HDLBP: variants seen among roughly 807,000 people sequenced by gnomAD.
The protein encoded by HDLBP is vigilin.
Under a neutral mutation model 137.3 loss-of-function variants are expected in HDLBP, and 30 were observed. That is an observed-to-expected ratio of 0.22 (90% CI 0.16 to 0.30). The LOEUF is 0.30. Among genes scored for constraint, HDLBP ranks in the 10% least tolerant of loss-of-function variants. HDLBP has a pLI of 1.00. For missense variants in HDLBP, 1,119 were observed against 1,667.3 expected (o/e 0.67, Z 5.73); for synonymous variants, 606 against 596.0 (o/e 1.02, Z -0.24).
At chr2:241,249,771 G>A (rs1247456208) in intron 12 of HDLBP, 70 bp downstream of exon 12, 14 of 1,444,716 alleles carry the variant, frequency 9.7e-6, no homozygotes, top group South Asian at 4.0e-5. Flanking sequence ...ACCACAACAC[G>A]CTACTCCTTA....
At chr2:241,255,266 G>GC in intron 8 of HDLBP, 108 bp from the exon 9 acceptor site, 1 of 1,407,930 alleles carries the variant, frequency 7.1e-7, no homozygotes. Context: ...CCAAACCTGG[G>GC]CACCTGCACT....
chr2:241,301,334 A>G (rs1156540430), intron 1 of HDLBP, among the ~76,000 whole-genome samples: 1 of 152,102 alleles, frequency 6.6e-6, no homozygotes, highest in African/African-American at 2.4e-5. Flanking sequence ...CTAATCGTCT[A>G]CTTATCAGCA....
intron 1 of HDLBP, among the ~76,000 whole-genome samples, chr2:241,273,919 A>G (rs922164502): frequency 6.6e-6 from 1 of 151,564 alleles, no homozygotes; most frequent in Non-Finnish European, 1.5e-5. Flanking sequence ...GAGGCCTACT[A>G]TAGTTCAGTC....
chr2:241,305,772 T>G (rs898717191), intron 1 of HDLBP, among the ~76,000 whole-genome samples: 1 of 151,400 alleles, frequency 6.6e-6, no homozygotes, highest in Non-Finnish European at 1.5e-5. Context: ...TTTTTTTTTT[T>G]TTTTTGAGAT....
At chr2:241,292,101 T>C (rs1465547706) in intron 1 of HDLBP, among the ~76,000 whole-genome samples, 1 of 152,194 alleles carries the variant, frequency 6.6e-6, no homozygotes, top group Non-Finnish European at 1.5e-5. Context: ...TTCAACCTAC[T>C]GACACCGCAC....
intron 10 of HDLBP, 175 bp from the exon 11 acceptor site, chr2:241,253,210 A>G (rs1336503560): frequency 4.6e-6 from 3 of 658,384 alleles, no homozygotes; most frequent in Non-Finnish European, 8.3e-6. Context: ...AGTTTCCTCC[A>G]CCCACGATTA....
intron 16 of HDLBP, chr2:241,246,459 G>A: frequency 3.0e-6 from 1 of 334,056 alleles, no homozygotes; most frequent in Non-Finnish European, 5.5e-6. Context: ...TTAAAGGAAA[G>A]AAAATACCGT....
intron 4 of HDLBP, 114 bp from the exon 5 acceptor site, chr2:241,263,040 C>T: frequency 1.3e-6 from 1 of 777,236 alleles, no homozygotes; most frequent in Admixed American, 2.4e-5. Flanking sequence ...CCCACCCTGC[C>T]CACAGGCACT....
chr2:241,271,357 C>G (rs372115207), intron 1 of HDLBP, among the ~76,000 whole-genome samples: 7 of 151,626 alleles, frequency 4.6e-5, no homozygotes, highest in East Asian at 3.9e-4. Context: ...TTTCAGCAAA[C>G]AGAACTAGAA....
rs568292618 is a variant in HDLBP at position 241,265,531 on chromosome 2, C to T, written c.77-926G>A. Among the ~76,000 whole-genome samples the T allele has an allele frequency of 3.3e-5, 5 of 152,382 alleles. No individual in the cohort carries two copies. In the South Asian group the frequency reaches 1.0e-3, roughly 32 times the overall value. On this transcript the variant is annotated intron_variant, in intron 3 of 27. Transcript: ENST00000310931. ...GTTCCCTGATTATCATCACTTCCAT[C>T]TTCCATAGTGCCCTATTTGTTCATG...
intron 14 of HDLBP, chr2:241,247,477 T>G (rs1214483575): frequency 5.9e-6 from 2 of 336,418 alleles, no homozygotes; most frequent in Non-Finnish European, 1.1e-5. Context: ...ACGGCAGTGA[T>G]GTGACAGCAG....
intron 20 of HDLBP, among the ~76,000 whole-genome samples, chr2:241,236,986 G>C (rs200421874): frequency 0.033 from 4,964 of 150,468 alleles, 685 homozygotes; most frequent in Admixed American, 0.19. Flanking sequence ...TTGGGGGGGG[G>C]GGGGGGGGCG....
intron 1 of HDLBP, among the ~76,000 whole-genome samples, chr2:241,283,332 G>A (rs910770286): frequency 6.6e-6 from 1 of 152,238 alleles, no homozygotes; most frequent in Admixed American, 6.5e-5. Flanking sequence ...AGCAAGTGCT[G>A]ATGTAGAAGC....
At chr2:241,244,425 G>T (rs1414713343) in intron 16 of HDLBP, among the ~76,000 whole-genome samples, 1 of 152,138 alleles carries the variant, frequency 6.6e-6, no homozygotes, top group East Asian at 1.9e-4. Flanking sequence ...AGAGACGGTG[G>T]TAAAACCCTA....
chr2:241,242,794 G>A (rs2071373583), intron 16 of HDLBP, 116 bp from the exon 17 acceptor site: 3 of 910,670 alleles, frequency 3.3e-6, no homozygotes, highest in African/African-American at 3.3e-5. Flanking sequence ...GAGCCCTGGA[G>A]ATGCCACTTA....
chr2:241,233,588 C>T lies in HDLBP; in HGVS notation c.3288+232G>A, dbSNP rs574031610. On this transcript the variant is annotated intron_variant, in intron 24 of 27. Coordinates refer to ENST00000310931, the MANE Select transcript of HDLBP (RefSeq NM_005336.6). The surrounding 1 kb of genome is among the most constrained non-coding windows in gnomAD (Gnocchi z 4.3). ...CTCCTGCTCATTTTCTGGAAGGAGA[C>T]GCAGGAGAAAATGCTCCAGGCCCCA... Among the ~76,000 whole-genome samples, 3 of 152,198 alleles carry T rather than the reference C, an allele frequency of 2.0e-5. No homozygotes were observed. Among genetic ancestry groups the T allele is most frequent in the Admixed American group, 6.5e-5 (1 of 15,300 alleles).
rs544348442 is a variant in HDLBP, at chr2:241,233,622, A to G, written c.3288+198T>C. On this transcript the variant is annotated intron_variant, in intron 24 of 27. Coordinates refer to ENST00000310931, the MANE Select transcript of HDLBP (RefSeq NM_005336.6). The surrounding 1 kb of genome is among the most constrained non-coding windows in gnomAD (Gnocchi z 4.3). ...AAATGCTCCAGGCCCCAGATGATACATAGTGCCAGAGACCTCACCCATCTG... is the reference window on the plus strand; with the variant it reads ...AAATGCTCCAGGCCCCAGATGATACGTAGTGCCAGAGACCTCACCCATCTG... Among the ~76,000 whole-genome samples, 5 of 152,252 alleles carry G rather than the reference A, an allele frequency of 3.3e-5. No homozygotes were observed. The highest frequency in any genetic ancestry group is 1.3e-4 in the Admixed American group (2 of 15,304).
At chr2:241,273,305 C>A in intron 1 of HDLBP, 1 of 881,170 alleles carries the variant, frequency 1.1e-6, no homozygotes, top group Non-Finnish European at 1.4e-6. Context: ...ATGTCCCTCA[C>A]TTTTATAAAC....
chr2:241,273,506 T>TCTCCACC, intron 1 of HDLBP: 7 of 777,130 alleles, frequency 9.0e-6, no homozygotes, highest in Non-Finnish European at 1.1e-5. Context: ...ACTCTCGGGG[T>TCTCCACC]CTCCACCCTC....
Sources: allele counts gnomAD v4.1 joint callset (sites outside exome capture counted in the v4.1 genomes callset), GRCh38; gene constraint gnomAD v4.1.1; non-coding constraint Gnocchi (gnomAD v3.1); transcripts MANE v1.5; gene names NCBI Gene and HGNC (gene_info 2026-07-23, HGNC 2026-07-21).